The following ANKRD44 variants were observed in gnomAD, a reference collection of about 807,000 sequenced individuals.
ANKRD44 encodes the protein ankyrin repeat domain 44.
Under a neutral mutation model 116.0 loss-of-function variants are expected in ANKRD44, and 35 were observed. That is an observed-to-expected ratio of 0.30 (90% CI 0.23 to 0.40). ANKRD44 has a LOEUF of 0.40. Among genes scored for constraint, ANKRD44 ranks in the 10% least tolerant of loss-of-function variants. The pLI, the probability that ANKRD44 is intolerant of heterozygous loss-of-function variation, is 1.00. For synonymous variants in ANKRD44, 435 were observed against 461.8 expected (o/e 0.94, Z 0.74); for missense variants, 1,014 against 1,242.6 (o/e 0.82, Z 2.77).
At chr2:197,146,994 T>C (rs750723085) in intron 3 of ANKRD44, 33 bp downstream of exon 3, 1 of 1,590,394 alleles carries the variant, frequency 6.3e-7, no homozygotes, top group East Asian at 2.2e-5. Flanking sequence ...AATTTTTATT[T>C]GCAATTGACT....
intron 1 of ANKRD44, among the ~76,000 whole-genome samples, chr2:197,280,642 G>A (rs936107712): frequency 1.3e-5 from 2 of 152,190 alleles, no homozygotes; most frequent in Admixed American, 6.5e-5. Flanking sequence ...GATAAGCCTC[G>A]CGGATGAGAT....
chr2:197,259,705 G>C (rs1449970632), intron 1 of ANKRD44, among the ~76,000 whole-genome samples: 1 of 152,182 alleles, frequency 6.6e-6, no homozygotes, highest in African/African-American at 2.4e-5. Context: ...GAGACACCAT[G>C]ATGAATAAGA....
chr2:197,282,673 T>C (rs538009510), intron 1 of ANKRD44, among the ~76,000 whole-genome samples: 1 of 152,246 alleles, frequency 6.6e-6, no homozygotes, highest in South Asian at 2.1e-4. Context: ...CTTTAATCCC[T>C]CCAGGCCGGG....
At chr2:197,118,710 G>T (rs2078781437) in intron 8 of ANKRD44, among the ~76,000 whole-genome samples, 1 of 151,680 alleles carries the variant, frequency 6.6e-6, no homozygotes, top group African/African-American at 2.4e-5. Flanking sequence ...TCTCTGCAGT[G>T]ATAATTGTTG....
rs138330364 is a variant in ANKRD44 at position 197,218,751 on chromosome 2, C to CTTTTTTTTTTTTTTTTTTTTTTT, written c.28-31668_28-31646dup. ...TTCCTGGTATGGGAGGGTAAAGTCC[C>CTTTTTTTTTTTTTTTTTTTTTTT]TTTTTTTTTTTTTTTTTTTTTTTTT... is the stretch of plus-strand genomic sequence containing the variant. On this transcript the variant is annotated intron_variant, in intron 1 of 27. Coordinates refer to ENST00000282272, the MANE Select transcript of ANKRD44 (RefSeq NM_001195144.2). Among the ~76,000 whole-genome samples, 17 of 52,346 alleles carry CTTTTTTTTTTTTTTTTTTTTTTT rather than the reference C, an allele frequency of 3.2e-4. 2 individuals are homozygous for CTTTTTTTTTTTTTTTTTTTTTTT. The highest frequency in any genetic ancestry group is 5.9e-4 in the Admixed American group (2 of 3,364). The allele number at this position is 52,346 out of a possible 152,430, so 34.3% of individuals were successfully genotyped here. A position where few individuals can be genotyped will look rare whatever the true frequency, so the allele number is the denominator to read the frequency against.
chr2:197,280,406 C>A (rs2083229972), intron 1 of ANKRD44, among the ~76,000 whole-genome samples: 1 of 152,146 alleles, frequency 6.6e-6, no homozygotes, highest in Non-Finnish European at 1.5e-5. Flanking sequence ...AAAGGCAGCT[C>A]CCCTTCCCTT....
intron 6 of ANKRD44, among the ~76,000 whole-genome samples, chr2:197,124,234 GAC>G (rs1241670210): frequency 1.3e-5 from 2 of 151,950 alleles, no homozygotes; most frequent in Non-Finnish European, 2.9e-5. Context: ...GATTCACTCA[GAC>G]CCACCTTTAG....
chr2:197,214,206 A>G (rs867272742), intron 1 of ANKRD44, among the ~76,000 whole-genome samples: 1 of 152,196 alleles, frequency 6.6e-6, no homozygotes, highest in Non-Finnish European at 1.5e-5. Context: ...TAGAAAAAAA[A>G]CCAAAAGCTT....
chr2:197,014,559 G>A (rs953989439), intron 17 of ANKRD44, among the ~76,000 whole-genome samples: 3 of 152,022 alleles, frequency 2.0e-5, no homozygotes, highest in Non-Finnish European at 2.9e-5. Context: ...AGGCCGAGAC[G>A]GGTGGATCAC....
chr2:196,999,561 C>CACTT (rs201131442), intron 23 of ANKRD44, among the ~76,000 whole-genome samples: 3 of 123,048 alleles, frequency 2.4e-5, no homozygotes, highest in South Asian at 2.8e-4. Flanking sequence ...TGTGTACAGA[C>CACTT]ACTTATTTAT....
intron 3 of ANKRD44, among the ~76,000 whole-genome samples, chr2:197,145,086 T>TA (rs753361855): frequency 1.1e-4 from 17 of 152,056 alleles, no homozygotes; most frequent in Non-Finnish European, 2.1e-4. Flanking sequence ...GGTCAGGAGA[T>TA]CGAGACTATC....
intron 16 of ANKRD44, among the ~76,000 whole-genome samples, chr2:197,072,021 A>T (rs2077568629): frequency 7.0e-6 from 1 of 143,270 alleles, no homozygotes; most frequent in Non-Finnish European, 1.5e-5. Context: ...TGTGACTGAG[A>T]GGGAGGGAGG....
chr2:197,053,798 A>C (rs2077156624), intron 16 of ANKRD44, among the ~76,000 whole-genome samples: 1 of 152,182 alleles, frequency 6.6e-6, no homozygotes. Flanking sequence ...ATCTCCTTTA[A>C]ATATTGATAT....
intron 22 of ANKRD44, 34 bp downstream of exon 22, chr2:197,001,719 A>C: frequency 6.7e-7 from 1 of 1,496,674 alleles, no homozygotes; most frequent in Non-Finnish European, 9.2e-7. Context: ...AAATCATTAA[A>C]GCAACATCAT....
intron 2 of ANKRD44, among the ~76,000 whole-genome samples, chr2:197,186,691 G>A (rs1452628853): frequency 8.0e-6 from 1 of 124,946 alleles, no homozygotes; most frequent in Non-Finnish European, 1.6e-5. Flanking sequence ...AAACTCCTGG[G>A]CTCAAGTGAT....
intron 1 of ANKRD44, among the ~76,000 whole-genome samples, chr2:197,231,837 A>T (rs149149173): frequency 6.0e-4 from 91 of 152,184 alleles, no homozygotes; most frequent in African/African-American, 2.0e-3. Flanking sequence ...AGTACCTGCT[A>T]TGTGCCAGGT....
intron 17 of ANKRD44, chr2:197,015,990 G>T (rs11903843): frequency 0.012 from 6,649 of 540,718 alleles, 373 homozygotes; most frequent in African/African-American, 0.12. Flanking sequence ...GGTGGAAGTG[G>T]TGGATATGGT....
At chr2:196,970,420 G>T (rs1475516144) in intron 21 of ANKRD44, among the ~76,000 whole-genome samples, 1 of 152,122 alleles carries the variant, frequency 6.6e-6, no homozygotes, top group Non-Finnish European at 1.5e-5. Context: ...TAAGCTGTTT[G>T]AGTTCAGTTC....
At chr2:197,082,913 C>G (rs1234189332) in intron 14 of ANKRD44, among the ~76,000 whole-genome samples, 1 of 152,214 alleles carries the variant, frequency 6.6e-6, no homozygotes, top group Non-Finnish European at 1.5e-5. Flanking sequence ...AAAGGGCATT[C>G]ATACCCAGGT....
Sources: gnomAD v4.1 joint callset for allele counts (sites outside exome capture counted in the v4.1 genomes callset) on GRCh38, gnomAD v4.1.1 for gene constraint, MANE v1.5 for transcripts, NCBI Gene and HGNC (gene_info 2026-07-23, HGNC 2026-07-21) for gene names.